The following MAD1L1 variants were observed in gnomAD, a reference collection of about 807,000 sequenced individuals.
The protein encoded by MAD1L1 is mitotic spindle assembly checkpoint protein MAD1.
A neutral mutation model predicts 96.9 loss-of-function variants in MAD1L1; 95 were observed. The observed-to-expected ratio is 0.98, with a 90% CI of 0.83 to 1.16. The LOEUF is 1.16. Among genes scored for constraint, MAD1L1 ranks in the 50% most tolerant of loss-of-function variants. The pLI is 0.00. For missense variants in MAD1L1, 1,007 were observed against 954.4 expected (o/e 1.06, Z -0.73); for synonymous variants, 473 against 396.6 (o/e 1.19, Z -2.29).
intron 10 of MAD1L1, among the ~76,000 whole-genome samples, chr7:2,158,232 C>G (rs979326861): frequency 6.6e-6 from 1 of 152,238 alleles, no homozygotes; most frequent in East Asian, 1.9e-4. Flanking sequence ...TACTGCTTTC[C>G]TTCCGAGGCG....
rs184565185 is a variant in MAD1L1, at chr7:2,094,514, G to A, written c.1074-25176C>T. Among the ~76,000 whole-genome samples the A allele has an allele frequency of 4.5e-4, 68 of 152,346 alleles. 1 individual carries two copies. Among genetic ancestry groups the A allele is most frequent in the Non-Finnish European group, 4.4e-5 (3 of 68,036 alleles). On this transcript the variant is annotated intron_variant, in intron 11 of 18. Coordinates refer to ENST00000265854, the MANE Select transcript of MAD1L1 (RefSeq NM_001013836.2). ...AGCAAGACAGGGAACAGACAGTCAT[G>A]ATGTTTCACAGGTGGGCAGGGAAGG...
At chr7:2,009,595 G>A (rs1298679623) in intron 13 of MAD1L1, among the ~76,000 whole-genome samples, 1 of 152,192 alleles carries the variant, frequency 6.6e-6, no homozygotes, top group Non-Finnish European at 1.5e-5. Flanking sequence ...GTACACAGAA[G>A]CTCTCCCTGT....
intron 11 of MAD1L1, among the ~76,000 whole-genome samples, chr7:2,140,821 T>C (rs1023451409): frequency 6.6e-6 from 1 of 152,170 alleles, no homozygotes; most frequent in Non-Finnish European, 1.5e-5. Context: ...AGCTAAACAC[T>C]CAGAAAGTGA....
At chr7:1,899,270 A>C (rs1787094987) in intron 17 of MAD1L1, among the ~76,000 whole-genome samples, 1 of 152,176 alleles carries the variant, frequency 6.6e-6, no homozygotes, top group Non-Finnish European at 1.5e-5. Flanking sequence ...TCCCCGCGTT[A>C]ATTATCAGGA....
chr7:2,096,646 G>A (rs1416127314), intron 11 of MAD1L1, among the ~76,000 whole-genome samples: 6 of 152,244 alleles, frequency 3.9e-5, no homozygotes, highest in Non-Finnish European at 5.9e-5. Flanking sequence ...ACAGCTCCTC[G>A]GCAGAGGACA....
chr7:2,200,536 G>A (rs1463699148), intron 10 of MAD1L1: 5 of 152,296 alleles, frequency 3.3e-5, no homozygotes, highest in East Asian at 1.9e-4. Flanking sequence ...TTCCGATCGT[G>A]GGAGATCAGA....
At chr7:1,889,481 ACAGCAGCC>A (rs1274842358) in intron 18 of MAD1L1, among the ~76,000 whole-genome samples, 2 of 152,176 alleles carry the variant, frequency 1.3e-5, no homozygotes, top group Non-Finnish European at 2.9e-5. Context: ...CAGGGGCTCC[ACAGCAGCC>A]CAGCTGCACA....
Position 2,126,715 on chromosome 7 carries a change from G to A in MAD1L1, c.1073+22437C>T, listed in dbSNP as rs1242366144. On this transcript the variant is annotated intron_variant, in intron 11 of 18. Transcript: ENST00000265854. Reference sequence around the variant, plus strand: ...TCAGAGTTTTTAAACATGCAGCTTAGTAGGTTCCTTCTGCAAGGAAGCAGA... The same window carrying A: ...TCAGAGTTTTTAAACATGCAGCTTAATAGGTTCCTTCTGCAAGGAAGCAGA... Among the ~76,000 whole-genome samples, 3 of 152,178 alleles carry A rather than the reference G, an allele frequency of 2.0e-5. No homozygotes were observed. The South Asian group carries it at 6.2e-4, about 32-fold the overall frequency.
chr7:2,210,875 A>T (rs908028457), intron 10 of MAD1L1, among the ~76,000 whole-genome samples: 1 of 144,858 alleles, frequency 6.9e-6, no homozygotes, highest in Non-Finnish European at 1.5e-5. Flanking sequence ...GGACGCTCGC[A>T]CCAGCCCCTC....
intron 10 of MAD1L1, among the ~76,000 whole-genome samples, chr7:2,198,407 C>G (rs555566161): frequency 2.0e-5 from 3 of 152,196 alleles, no homozygotes; most frequent in East Asian, 1.9e-4. Context: ...TACACACCCC[C>G]CTTCAAGCAA....
intron 3 of MAD1L1, among the ~76,000 whole-genome samples, chr7:2,228,787 C>A (rs891672192): frequency 1.3e-5 from 2 of 151,364 alleles, no homozygotes; most frequent in African/African-American, 4.9e-5. Flanking sequence ...GTCACCCAGG[C>A]TGGAGTGCGG....
At chr7:1,949,719 G>A (rs999348986) in intron 16 of MAD1L1, among the ~76,000 whole-genome samples, 7 of 152,232 alleles carry the variant, frequency 4.6e-5, no homozygotes, top group African/African-American at 1.7e-4. Flanking sequence ...AGGAACCAAA[G>A]GACATCGGTC....
chr7:1,844,341 C>T, intron 18 of MAD1L1: 1 of 152,850 alleles, frequency 6.5e-6, no homozygotes, highest in Non-Finnish European at 1.5e-5. Context: ...CCAGCTGCTG[C>T]TGCTGGACAG....
At chr7:2,100,271 C>T (rs1786711002) in intron 11 of MAD1L1, among the ~76,000 whole-genome samples, 1 of 152,238 alleles carries the variant, frequency 6.6e-6, no homozygotes, top group African/African-American at 2.4e-5. Flanking sequence ...CTAGGAATCC[C>T]AGCTGACTAG....
intron 10 of MAD1L1, among the ~76,000 whole-genome samples, chr7:2,184,526 A>G (rs572066291): frequency 2.0e-5 from 3 of 152,334 alleles, no homozygotes; most frequent in African/African-American, 7.2e-5. Context: ...ACACGTACTC[A>G]TTAAAAGGCC....
At chr7:2,206,579 A>T (rs1309891573) in intron 10 of MAD1L1, among the ~76,000 whole-genome samples, 8 of 152,224 alleles carry the variant, frequency 5.3e-5, no homozygotes, top group Non-Finnish European at 1.2e-4. Flanking sequence ...GGACACTTTG[A>T]CAACAATCAA....
chr7:1,977,466 C>T (rs555715331), intron 15 of MAD1L1, among the ~76,000 whole-genome samples: 8 of 152,330 alleles, frequency 5.3e-5, no homozygotes, highest in South Asian at 2.1e-4. Flanking sequence ...GTGAGCACCA[C>T]GCACGCAACC....
chr7:1,950,931 C>T (rs757164873), intron 16 of MAD1L1, among the ~76,000 whole-genome samples: 9 of 152,276 alleles, frequency 5.9e-5, no homozygotes, highest in Non-Finnish European at 1.0e-4. Context: ...GCAGTGTGGT[C>T]AGTGCACAGG....
chr7:1,967,110 T>C (rs1267103160), intron 15 of MAD1L1, among the ~76,000 whole-genome samples: 2 of 151,904 alleles, frequency 1.3e-5, no homozygotes, highest in Non-Finnish European at 2.9e-5. Context: ...TCCATGTAGG[T>C]AGAGGGACAG....
Sources: gnomAD v4.1 joint callset for allele counts (sites outside exome capture counted in the v4.1 genomes callset) on GRCh38, gnomAD v4.1.1 for gene constraint, MANE v1.5 for transcripts, NCBI Gene and HGNC (gene_info 2026-07-23, HGNC 2026-07-21) for gene names.